Variants in CCDC30 observed in about 807,000 individuals in gnomAD.
The protein encoded by CCDC30 is coiled-coil domain-containing protein 30.
CCDC30 carries 70 observed loss-of-function variants against 100.2 expected under a neutral mutation model. The ratio of observed to expected loss-of-function variants is 0.70; its 90% CI spans 0.58 to 0.85. The LOEUF (loss-of-function observed/expected upper bound fraction) is 0.85, where lower values mean the gene tolerates loss of function less well. Ranked by LOEUF, CCDC30 falls within the 40% of genes least tolerant of loss-of-function variation. The pLI is 0.00. For missense variants in CCDC30, 652 were observed against 771.2 expected, an observed-to-expected ratio of 0.85 and a Z score of 1.83; for synonymous variants, 233 against 269.5, an observed-to-expected ratio of 0.86 and a Z score of 1.33.
chr1:42,499,840 A>G (rs1644282156), intron 6 of CCDC30, among the ~76,000 whole-genome samples: 1 of 151,720 alleles, frequency 6.6e-6, no homozygotes, highest in South Asian at 2.1e-4. Flanking sequence ...GTGCATTCCA[A>G]TAATTAAAAT....
chr1:42,540,693 A>G (rs1273375038), intron 6 of CCDC30, among the ~76,000 whole-genome samples: 2 of 150,958 alleles, frequency 1.3e-5, no homozygotes, highest in Non-Finnish European at 3.0e-5. Context: ...ACACACACAC[A>G]GTTTTTTATA....
chr1:42,521,477 A>G, intron 6 of CCDC30, among the ~76,000 whole-genome samples: 1 of 152,352 alleles, frequency 6.6e-6, no homozygotes, highest in African/African-American at 2.4e-5. Flanking sequence ...GGTTTAACAT[A>G]TGATCTATCT....
At chr1:42,620,064 A>G (rs2148655957) in intron 11 of CCDC30, among the ~76,000 whole-genome samples, 1 of 152,324 alleles carries the variant, frequency 6.6e-6, no homozygotes, top group East Asian at 1.9e-4. Flanking sequence ...GAAATCAGGA[A>G]TATCTGTTTG....
intron 10 of CCDC30, among the ~76,000 whole-genome samples, chr1:42,600,205 C>T (rs1646375521): frequency 6.6e-6 from 1 of 151,922 alleles, no homozygotes. Flanking sequence ...TAAAGAGGAA[C>T]ATTATTTAAT....
chr1:42,556,607 C>T (rs1374344276), intron 6 of CCDC30, among the ~76,000 whole-genome samples: 6 of 152,088 alleles, frequency 3.9e-5, no homozygotes, highest in African/African-American at 1.2e-4. Flanking sequence ...GAGAATGGGG[C>T]ATCCATCCCC....
At chr1:42,615,751 A>C (rs932817107) in intron 11 of CCDC30, among the ~76,000 whole-genome samples, 4 of 152,200 alleles carry the variant, frequency 2.6e-5, no homozygotes, top group African/African-American at 9.7e-5. Context: ...ATGCTTTATT[A>C]TAATTATATT....
chr1:42,510,188 GA>G, intron 6 of CCDC30: 1 of 791,942 alleles, frequency 1.3e-6, no homozygotes, highest in Non-Finnish European at 1.5e-6. Flanking sequence ...TGGGAATGAT[GA>G]TTCCCCTGTT....
chr1:42,608,374 A>G (rs1646546607), intron 10 of CCDC30, among the ~76,000 whole-genome samples: 1 of 152,222 alleles, frequency 6.6e-6, no homozygotes, highest in Admixed American at 6.5e-5. Flanking sequence ...ACAGGCACGG[A>G]CATGCCATCA....
chr1:42,516,316 C>T (rs1172998504), intron 6 of CCDC30, among the ~76,000 whole-genome samples: 7 of 151,994 alleles, frequency 4.6e-5, no homozygotes, highest in Middle Eastern at 6.8e-3. Flanking sequence ...AATTTGATTC[C>T]CAGTGTGGTG....
chr1:42,456,581 C>T, the CCDC30 span: 14 of 1,489,118 alleles, frequency 9.4e-6, no homozygotes, highest in Admixed American at 2.8e-4. Context: ...GGAAATGGAT[C>T]CGGTAGCCGA....
chr1:42,640,884 C>T (rs1204563443), intron 12 of CCDC30, among the ~76,000 whole-genome samples: 1 of 151,578 alleles, frequency 6.6e-6, no homozygotes, highest in Non-Finnish European at 1.5e-5. Flanking sequence ...AAAGACAAAA[C>T]TTTATCTAAA....
chr1:42,580,890 G>A lies in CCDC30; in HGVS notation c.847-470G>A, dbSNP rs763128900. ...ACTAGGTGCACTCACAATGCTGTTG[G>A]GAGTATAAATTGGTCTAATACCTGT... On this transcript the variant is annotated intron_variant, in intron 8 of 16. Transcript: ENST00000668663. 40 of 455,716 alleles carry A rather than the reference G, an allele frequency of 8.8e-5. 1 individual carries two copies. Among genetic ancestry groups the A allele is most frequent in the South Asian group, 6.2e-4 (40 of 64,454 alleles). 28.2% of individuals were successfully genotyped at this position (455,716 alleles called of 1,614,324 possible). A position where few individuals can be genotyped will look rare whatever the true frequency, so the allele number is the denominator to read the frequency against.
intron 1 of CCDC30, among the ~76,000 whole-genome samples, chr1:42,472,342 A>G (rs1643797889): frequency 6.6e-6 from 1 of 152,210 alleles, no homozygotes; most frequent in Non-Finnish European, 1.5e-5. Flanking sequence ...GTCATACTGC[A>G]AACTGTTATG....
At chr1:42,614,205 C>T (rs1440517626) in intron 11 of CCDC30, among the ~76,000 whole-genome samples, 1 of 150,928 alleles carries the variant, frequency 6.6e-6, no homozygotes, top group Admixed American at 6.6e-5. Context: ...CTCAGCCTCC[C>T]GAGTAGCTGG....
At chr1:42,600,385 G>C (rs1175976443) in intron 10 of CCDC30, among the ~76,000 whole-genome samples, 4 of 152,130 alleles carry the variant, frequency 2.6e-5, no homozygotes, top group African/African-American at 9.7e-5. Context: ...GCAGTGGACA[G>C]GTCCAGCAGG....
intron 6 of CCDC30, among the ~76,000 whole-genome samples, chr1:42,545,162 TAAAAAAAAAAAAAA>T (rs57060353): frequency 1.1e-4 from 7 of 64,718 alleles, no homozygotes; most frequent in African/African-American, 3.4e-4. Context: ...AAAATACCTT[TAAAAAAAAAAAAAA>T]AAAAAAAAAA....
intron 2 of CCDC30, 56 bp from the exon 3 acceptor site, chr1:42,482,607 A>C (rs1272981039): frequency 9.1e-7 from 1 of 1,100,318 alleles, no homozygotes; most frequent in African/African-American, 1.7e-5. Flanking sequence ...AAATAGCAAA[A>C]TGTCATGAGA....
intron 6 of CCDC30, among the ~76,000 whole-genome samples, chr1:42,552,588 T>C (rs1270581619): frequency 6.6e-6 from 1 of 151,342 alleles, no homozygotes; most frequent in East Asian, 1.9e-4. Context: ...TGGAAAAATA[T>C]ACTTTAAATG....
At chr1:42,573,157 C>A (rs1009868184) in intron 7 of CCDC30, among the ~76,000 whole-genome samples, 10 of 152,180 alleles carry the variant, frequency 6.6e-5, no homozygotes, top group Non-Finnish European at 1.3e-4. Context: ...CATGAACTCA[C>A]ATAGAACCCA....
Sources: gnomAD v4.1 joint callset for allele counts (sites outside exome capture counted in the v4.1 genomes callset) on GRCh38, gnomAD v4.1.1 for gene constraint, MANE v1.5 for transcripts, NCBI Gene and HGNC (gene_info 2026-07-23, HGNC 2026-07-21) for gene names.